Variants in GRIP1 observed in about 807,000 individuals in gnomAD.
GRIP1 encodes glutamate receptor-interacting protein 1.
GRIP1 carries 45 observed loss-of-function variants against 129.9 expected under a neutral mutation model. The ratio of observed to expected loss-of-function variants is 0.35; its 90% confidence interval spans 0.27 to 0.44. The LOEUF is 0.44. Among genes scored for constraint, GRIP1 ranks in the 20% least tolerant of loss-of-function variants. The pLI is 1.00. For missense variants in GRIP1, 1,196 were observed against 1,396.8 expected, an observed-to-expected ratio of 0.86 and a Z score of 2.29; for synonymous variants, 530 against 520.8, an observed-to-expected ratio of 1.02 and a Z score of -0.24.
intron 9 of GRIP1, among the ~76,000 whole-genome samples, chr12:66,459,703 T>C (rs1417053915): frequency 2.6e-5 from 4 of 152,160 alleles, no homozygotes; most frequent in South Asian, 2.1e-4. Flanking sequence ...AAAAATGATA[T>C]AAGATAATGC....
chr12:66,838,800 A>G (rs1592893096), intron 1 of GRIP1, among the ~76,000 whole-genome samples: 1 of 152,204 alleles, frequency 6.6e-6, no homozygotes, highest in Non-Finnish European at 1.5e-5. Flanking sequence ...AAGCCCACCA[A>G]GTAAGAAAGG....
intron 1 of GRIP1, among the ~76,000 whole-genome samples, chr12:66,727,281 G>C (rs1161899080): frequency 6.6e-6 from 1 of 152,234 alleles, no homozygotes; most frequent in Non-Finnish European, 1.5e-5. Context: ...ATGCCTCGCA[G>C]TGGAATAGGT....
chr12:66,757,183 C>A (rs895752304), intron 1 of GRIP1, among the ~76,000 whole-genome samples: 4 of 152,080 alleles, frequency 2.6e-5, no homozygotes. Flanking sequence ...AATACTAGAT[C>A]TTATTCATGT....
intron 1 of GRIP1, among the ~76,000 whole-genome samples, chr12:66,845,625 T>C (rs1418583203): frequency 6.6e-6 from 1 of 152,192 alleles, no homozygotes; most frequent in Admixed American, 6.5e-5. Context: ...CTGGGTACAC[T>C]GCAGACTTAC....
chr12:66,724,932 C>G (rs1305728891), intron 1 of GRIP1, among the ~76,000 whole-genome samples: 1 of 152,096 alleles, frequency 6.6e-6, no homozygotes, highest in African/African-American at 2.4e-5. Flanking sequence ...ACTTGGACAC[C>G]CAAATGAAAA....
At chr12:67,032,431 GT>G in intron 1 of GRIP1, among the ~76,000 whole-genome samples, 1 of 152,080 alleles carries the variant, frequency 6.6e-6, no homozygotes, top group Non-Finnish European at 1.5e-5. Context: ...CCTCTTTAAT[GT>G]TGTTAAATAC....
intron 13 of GRIP1, among the ~76,000 whole-genome samples, chr12:66,433,452 A>G (rs1204736265): frequency 6.6e-6 from 1 of 152,152 alleles, no homozygotes; most frequent in Non-Finnish European, 1.5e-5. Flanking sequence ...AGGGAGTGAA[A>G]GTGGGCTCAG....
intron 8 of GRIP1, among the ~76,000 whole-genome samples, 160 bp downstream of exon 8, chr12:66,465,115 C>A (rs376273253): frequency 1.3e-4 from 20 of 151,618 alleles, no homozygotes; most frequent in African/African-American, 4.4e-4. Context: ...TGGCTAATTT[C>A]TTGTATTTTT....
intron 1 of GRIP1, among the ~76,000 whole-genome samples, chr12:67,052,674 G>A (rs2043365446): frequency 6.6e-6 from 1 of 151,748 alleles, no homozygotes. Context: ...GCAGGAGAAT[G>A]GCGTAAACCC....
intron 1 of GRIP1, among the ~76,000 whole-genome samples, chr12:66,617,142 TG>T (rs2065077284): frequency 7.1e-6 from 1 of 141,724 alleles, no homozygotes; most frequent in Non-Finnish European, 1.6e-5. Context: ...CGTGTGTAGA[TG>T]GGGGAGGTGA....
At chr12:66,816,221 A>G (rs150296570) in intron 1 of GRIP1, among the ~76,000 whole-genome samples, 2 of 152,094 alleles carry the variant, frequency 1.3e-5, no homozygotes, top group Non-Finnish European at 2.9e-5. Context: ...GGGTAAATAG[A>G]CCCACTGGAG....
rs771420424 is a variant in GRIP1 at position 66,353,412 on chromosome 12, C to T, written c.3159+5G>A. The stretch of plus-strand genomic sequence containing the variant: ...AAGGAATTAAAATTCCACCTGAGGT[C>T]TTACCTGTAAGAGCCTGTCATAGGG... On this transcript the variant is annotated splice_donor_5th_base_variant and intron_variant, in intron 24 of 24. Coordinates refer to ENST00000359742, the MANE Select transcript of GRIP1 (RefSeq NM_001366722.1). 6.2e-7 allele frequency: 1 copy of T among 1,605,786 alleles called. No homozygotes were observed. The highest frequency in any genetic ancestry group is 8.5e-7 in the Non-Finnish European group (1 of 1,172,482).
chr12:66,459,712 G>A (rs2059077770), intron 9 of GRIP1, among the ~76,000 whole-genome samples: 1 of 152,162 alleles, frequency 6.6e-6, no homozygotes, highest in African/African-American at 2.4e-5. Context: ...ATAAGATAAT[G>A]CACAAAACTG....
intron 14 of GRIP1, among the ~76,000 whole-genome samples, chr12:66,425,932 C>T (rs536551053): frequency 1.3e-5 from 2 of 152,196 alleles, no homozygotes; most frequent in African/African-American, 4.8e-5. Flanking sequence ...TGTAACAAAC[C>T]TGCACATTGT....
At chr12:66,680,805 T>C (rs1271869980), upstream of GRIP1, among the ~76,000 whole-genome samples, 1 of 152,156 alleles carries the variant, frequency 6.6e-6, no homozygotes, top group Non-Finnish European at 1.5e-5. Flanking sequence ...TAGTAGAATC[T>C]TGCCTGTGGA....
At chr12:66,624,225 T>A (rs1414956952) in intron 1 of GRIP1, among the ~76,000 whole-genome samples, 2 of 152,190 alleles carry the variant, frequency 1.3e-5, no homozygotes, top group Non-Finnish European at 2.9e-5. Context: ...TGTTTCCATA[T>A]GCATGTTTGC....
chr12:66,361,185 T>C (rs950241729), intron 23 of GRIP1, among the ~76,000 whole-genome samples: 2 of 152,102 alleles, frequency 1.3e-5, no homozygotes, highest in Non-Finnish European at 2.9e-5. Flanking sequence ...TCAGGGGTTT[T>C]GAGAGGAATT....
Position 66,859,126 on chromosome 12 carries a change from G to A in GRIP1, c.58+209924C>T, listed in dbSNP as rs533296635. Among the ~76,000 whole-genome samples the A allele has an allele frequency of 2.6e-5, 4 of 151,792 alleles. No individual in the cohort carries two copies. In the South Asian group the frequency reaches 8.3e-4, roughly 32 times the overall value. ...GGGAATATGAGCCATATGAAGGAATGTGAATTCACCATTGATATCAGCCAA... is the reference window on the plus strand; with the variant it reads ...GGGAATATGAGCCATATGAAGGAATATGAATTCACCATTGATATCAGCCAA... On this transcript the variant is annotated intron_variant, in intron 1 of 1. Coordinates refer to the GRIP1 transcript ENST00000643019.
At chr12:66,723,283 C>CCTTT (rs1313105304) in intron 1 of GRIP1, among the ~76,000 whole-genome samples, 3 of 29,638 alleles carry the variant, frequency 1.0e-4, no homozygotes, top group African/African-American at 4.5e-4. Flanking sequence ...TTCCTTCCTT[C>CCTTT]CTTTCTTTCT....
Sources: allele counts gnomAD v4.1 joint callset (sites outside exome capture counted in the v4.1 genomes callset), GRCh38; gene constraint gnomAD v4.1.1; transcripts MANE v1.5; gene names NCBI Gene and HGNC (gene_info 2026-07-23, HGNC 2026-07-21).